PALM2AKAP2: variants seen among roughly 807,000 people sequenced by gnomAD.
PALM2AKAP2 encodes the protein PALM2 and AKAP2 fusion.
In PALM2AKAP2, 37 loss-of-function variants were observed where a neutral mutation model predicts 71.5. The ratio of observed to expected loss-of-function variants is 0.52; its 90% CI spans 0.40 to 0.68. PALM2AKAP2 has a LOEUF of 0.68. Among genes scored for constraint, PALM2AKAP2 ranks in the 30% least tolerant of loss-of-function variants. PALM2AKAP2 has a pLI of 0.00. For synonymous variants in PALM2AKAP2, 468 were observed against 478.8 expected (o/e 0.98, Z 0.29); for missense variants, 1,224 against 1,191.8 (o/e 1.03, Z -0.40).
intron 2 of PALM2AKAP2, among the ~76,000 whole-genome samples, chr9:110,143,176 C>T (rs548510197): frequency 1.3e-5 from 2 of 150,684 alleles, no homozygotes; most frequent in African/African-American, 4.9e-5. Context: ...AATCCCAGCA[C>T]TTTTGGAGGT....
At chr9:109,748,508 A>T (rs540401213) in intron 1 of PALM2AKAP2, among the ~76,000 whole-genome samples, 2 of 152,316 alleles carry the variant, frequency 1.3e-5, no homozygotes, top group South Asian at 4.1e-4. Flanking sequence ...CTTTGCTTTT[A>T]TTCTACTTTG....
At chr9:109,888,199 A>T (rs193042690) in intron 3 of PALM2AKAP2, among the ~76,000 whole-genome samples, 1 of 152,296 alleles carries the variant, frequency 6.6e-6, no homozygotes, top group East Asian at 1.9e-4. Context: ...TAGCAAACTC[A>T]CTAGAAAGCC....
chr9:109,683,577 T>C (rs1827767589), intron 1 of PALM2AKAP2, among the ~76,000 whole-genome samples: 1 of 152,158 alleles, frequency 6.6e-6, no homozygotes, highest in African/African-American at 2.4e-5. Context: ...AGAGAATACA[T>C]CTTTGCTGTT....
In PALM2AKAP2 at chr9:109,661,740, T is replaced by C. The variant is rs145441848; in HGVS notation, c.5+20874T>C. Among the ~76,000 whole-genome samples the C allele has an allele frequency of 4.7e-3, 718 of 152,346 alleles. 9 individuals carry two copies. The highest frequency in any genetic ancestry group is 0.016 in the African/African-American group (684 of 41,574). On this transcript the variant is annotated intron_variant, in intron 1 of 6. Transcript: ENST00000374531. ...CTTGATGGGGATGGCATTTTGAATC[T>C]ATAAATTACTTTGGGCAGCAAGGCG...
chr9:109,741,619 T>A (rs1027602301), intron 1 of PALM2AKAP2, among the ~76,000 whole-genome samples: 2 of 152,220 alleles, frequency 1.3e-5, no homozygotes, highest in African/African-American at 4.8e-5. Flanking sequence ...TCACTGACAT[T>A]TGGTTATGTC....
chr9:109,836,347 A>G (rs1828475886), intron 1 of PALM2AKAP2, among the ~76,000 whole-genome samples: 1 of 152,270 alleles, frequency 6.6e-6, no homozygotes, highest in Non-Finnish European at 1.5e-5. Flanking sequence ...ACTAACAAAC[A>G]GAAAGGACAT....
Position 109,726,300 on chromosome 9 carries a change from G to T in PALM2AKAP2, c.6-54188G>T, listed in dbSNP as rs1179220428. 2.0e-5 allele frequency among the ~76,000 whole-genome samples: 3 copies of T among 152,184 alleles called. No homozygotes were observed. In the South Asian group the frequency reaches 6.2e-4, roughly 32 times the overall value. On this transcript the variant is annotated intron_variant, in intron 1 of 6. Coordinates refer to the PALM2AKAP2 transcript ENST00000374531. ...CCATGTAGAATCCAGTCTGGTTGTGGTGGTGGCAGCTGATGCCTTCAGTTT... is the reference window on the plus strand; with the variant it reads ...CCATGTAGAATCCAGTCTGGTTGTGTTGGTGGCAGCTGATGCCTTCAGTTT...
chr9:109,736,565 T>C (rs1828638564), intron 1 of PALM2AKAP2, among the ~76,000 whole-genome samples: 1 of 152,046 alleles, frequency 6.6e-6, no homozygotes, highest in Admixed American at 6.5e-5. Context: ...CATTTTCTTT[T>C]TTTACTTTTA....
intron 1 of PALM2AKAP2, among the ~76,000 whole-genome samples, chr9:109,738,172 A>G (rs1828665649): frequency 6.6e-6 from 1 of 152,198 alleles, no homozygotes; most frequent in Non-Finnish European, 1.5e-5. Flanking sequence ...CTCACAGTAT[A>G]TCTGGGAGGT....
intron 2 of PALM2AKAP2, among the ~76,000 whole-genome samples, chr9:110,146,019 C>T (rs919283753): frequency 6.6e-5 from 10 of 151,238 alleles, no homozygotes; most frequent in South Asian, 6.3e-4. Context: ...CTGCCTCAGC[C>T]TCCCGAGTAG....
intron 7 of PALM2AKAP2, among the ~76,000 whole-genome samples, chr9:110,038,813 C>G (rs1217389834): frequency 6.6e-6 from 1 of 150,834 alleles, no homozygotes; most frequent in Non-Finnish European, 1.5e-5. Context: ...TGGTGGAGGG[C>G]GCTTGTAATC....
chr9:110,024,829 T>A (rs553972713), intron 7 of PALM2AKAP2: 1 of 696,578 alleles, frequency 1.4e-6, no homozygotes, highest in Non-Finnish European at 2.5e-6. Context: ...TTTTTTGTTT[T>A]TTTTTTTTAA....
At chr9:109,718,067 C>T (rs535187780) in intron 1 of PALM2AKAP2, among the ~76,000 whole-genome samples, 187 of 152,048 alleles carry the variant, frequency 1.2e-3, no homozygotes, top group African/African-American at 4.3e-3. Context: ...CCTTATTTTT[C>T]GTTTCTTTCT....
intron 1 of PALM2AKAP2, among the ~76,000 whole-genome samples, chr9:109,673,602 TC>T (rs781630752): frequency 2.6e-5 from 4 of 152,148 alleles, no homozygotes; most frequent in Non-Finnish European, 4.4e-5. Context: ...TCTGTAGATG[TC>T]TGTCATTTCC....
chr9:109,780,824 G>A (rs187191500), intron 1 of PALM2AKAP2, among the ~76,000 whole-genome samples: 1 of 152,290 alleles, frequency 6.6e-6, no homozygotes, highest in Non-Finnish European at 1.5e-5. Context: ...GTGGGGGGAC[G>A]ACTCCAGGAA....
At chr9:109,923,640 G>A in intron 3 of PALM2AKAP2, 95 bp from the exon 4 acceptor site, 1 of 1,325,660 alleles carries the variant, frequency 7.5e-7, no homozygotes, top group Non-Finnish European at 1.0e-6. Context: ...AAGGCTGCCA[G>A]GAAGGTACAA....
intron 1 of PALM2AKAP2, among the ~76,000 whole-genome samples, chr9:109,729,507 T>C (rs933126273): frequency 3.9e-5 from 6 of 152,208 alleles, no homozygotes; most frequent in African/African-American, 1.4e-4. Context: ...TTTCCTCGAT[T>C]CCTGTTTCCT....
intron 1 of PALM2AKAP2, among the ~76,000 whole-genome samples, chr9:109,803,494 C>T (rs564087255): frequency 8.5e-5 from 13 of 152,278 alleles, no homozygotes; most frequent in East Asian, 1.9e-4. Context: ...TCTAGACCCA[C>T]GCTGGAAAGA....
intron 2 of PALM2AKAP2, among the ~76,000 whole-genome samples, chr9:110,141,665 G>T (rs1836034122): frequency 6.6e-6 from 1 of 152,180 alleles, no homozygotes; most frequent in Non-Finnish European, 1.5e-5. Context: ...GTGTTACCAA[G>T]TTCCTGCGGC....
Sources: gnomAD v4.1 joint callset for allele counts (sites outside exome capture counted in the v4.1 genomes callset) on GRCh38, gnomAD v4.1.1 for gene constraint, MANE v1.5 for transcripts, NCBI Gene and HGNC (gene_info 2026-07-23, HGNC 2026-07-21) for gene names.